PHACTR3: variants seen among roughly 807,000 people sequenced by gnomAD.
PHACTR3 encodes phosphatase and actin regulator 3.
A neutral mutation model predicts 66.8 loss-of-function variants in PHACTR3; 16 were observed. That is an observed-to-expected ratio of 0.24 (90% CI 0.16 to 0.36). The LOEUF is 0.36. Among genes scored for constraint, PHACTR3 ranks in the 10% least tolerant of loss-of-function variants. PHACTR3 has a pLI of 1.00. For synonymous variants in PHACTR3, 323 were observed against 292.1 expected (o/e 1.11, Z -1.08); for missense variants, 647 against 719.9 (o/e 0.90, Z 1.16).
chr20:59,753,467 CT>C (rs1230186344), intron 3 of PHACTR3, among the ~76,000 whole-genome samples: 1 of 152,182 alleles, frequency 6.6e-6, no homozygotes, highest in Admixed American at 6.5e-5. Context: ...GGTGAGGACT[CT>C]GGAGGGAGAA....
At chr20:59,628,285 A>G (rs1249252473) in intron 1 of PHACTR3, 1 of 152,194 alleles carries the variant, frequency 6.6e-6, no homozygotes, top group Admixed American at 6.5e-5. Flanking sequence ...GTGCTGGGGA[A>G]GAATGGGCCC....
chr20:59,671,116 T>C (rs1239277520), intron 1 of PHACTR3, among the ~76,000 whole-genome samples: 2 of 152,184 alleles, frequency 1.3e-5, no homozygotes, highest in African/African-American at 4.8e-5. Context: ...TCTGAGCTTT[T>C]TTTTCTTCAT....
intron 7 of PHACTR3, among the ~76,000 whole-genome samples, chr20:59,792,618 T>C (rs192359046): frequency 6.6e-6 from 1 of 152,338 alleles, no homozygotes; most frequent in East Asian, 1.9e-4. Flanking sequence ...CTAGTGGGTG[T>C]GTTGTGGTGT....
intron 1 of PHACTR3, among the ~76,000 whole-genome samples, chr20:59,703,585 A>G (rs1032054397): frequency 3.9e-5 from 6 of 152,230 alleles, no homozygotes; most frequent in Non-Finnish European, 4.4e-5. Context: ...AGTTATGAAA[A>G]TAAGACATGT....
chr20:59,763,280 C>T (rs1484848220), intron 4 of PHACTR3, among the ~76,000 whole-genome samples: 1 of 152,200 alleles, frequency 6.6e-6, no homozygotes, highest in Non-Finnish European at 1.5e-5. Flanking sequence ...TTGTAAGTTT[C>T]CTGAGGCCTC....
At chr20:59,627,414 G>A (rs974361793) in intron 1 of PHACTR3, among the ~76,000 whole-genome samples, 3 of 152,232 alleles carry the variant, frequency 2.0e-5, no homozygotes, top group Non-Finnish European at 4.4e-5. Flanking sequence ...AGATGGCTGG[G>A]ATGAGACAGA....
chr20:59,707,714 C>T (rs918305914), intron 1 of PHACTR3, among the ~76,000 whole-genome samples: 1 of 152,104 alleles, frequency 6.6e-6, no homozygotes, highest in African/African-American at 2.4e-5. Context: ...GATCCTCCCA[C>T]CTCAGCCTCC....
intron 1 of PHACTR3, among the ~76,000 whole-genome samples, chr20:59,680,676 C>T (rs114117956): frequency 0.015 from 2,237 of 151,564 alleles, 55 homozygotes; most frequent in African/African-American, 0.05. Flanking sequence ...TTTTTTTTAG[C>T]TCATCAACTA....
At chr20:59,731,157 T>A (rs1245863043) in intron 1 of PHACTR3, among the ~76,000 whole-genome samples, 1 of 152,158 alleles carries the variant, frequency 6.6e-6, no homozygotes, top group Non-Finnish European at 1.5e-5. Flanking sequence ...TTTGAAGATG[T>A]TGTGTGATAT....
chr20:59,750,454 G>T (rs566573548), intron 3 of PHACTR3, among the ~76,000 whole-genome samples: 2 of 152,272 alleles, frequency 1.3e-5, no homozygotes, highest in African/African-American at 2.4e-5. Context: ...GAGACAGAAG[G>T]AAGCGGGGAG....
chr20:59,649,429 A>G (rs1425742422), intron 1 of PHACTR3, among the ~76,000 whole-genome samples: 1 of 152,178 alleles, frequency 6.6e-6, no homozygotes, highest in Non-Finnish European at 1.5e-5. Context: ...TAGCAGCAAC[A>G]TGTTTTCTTT....
At chr20:59,600,700 C>CTG (rs1808168703), upstream of PHACTR3, among the ~76,000 whole-genome samples, 3 of 152,232 alleles carry the variant, frequency 2.0e-5, no homozygotes, top group Admixed American at 2.0e-4. Flanking sequence ...TGGACTGACT[C>CTG]TGTCCCATCT....
chr20:59,806,323 C>G, intron 8 of PHACTR3, 129 bp downstream of exon 8: 1 of 1,220,548 alleles, frequency 8.2e-7, no homozygotes, highest in Non-Finnish European at 1.1e-6. Flanking sequence ...GGTCTCTTGA[C>G]CCCGCCACCG....
chr20:59,611,665 C>T (rs1294994530), intron 1 of PHACTR3, among the ~76,000 whole-genome samples: 1 of 152,196 alleles, frequency 6.6e-6, no homozygotes, highest in African/African-American at 2.4e-5. Context: ...CTTTCCCACT[C>T]TCACCTTTTG....
chr20:59,641,110 A>G (rs1487328260), intron 1 of PHACTR3, among the ~76,000 whole-genome samples: 1 of 152,142 alleles, frequency 6.6e-6, no homozygotes, highest in African/African-American at 2.4e-5. Context: ...ATAGAGATTT[A>G]TCTATTGCCT....
In PHACTR3 at chr20:59,820,524, A is replaced by G. The variant is rs2042004531; in HGVS notation, c.1328+14330A>G. Among the ~76,000 whole-genome samples, 1 of 152,216 alleles carries G rather than the reference A, an allele frequency of 6.6e-6. No individual in the cohort carries two copies. The highest frequency in any genetic ancestry group is 2.4e-5 in the African/African-American group (1 of 41,454). On this transcript the variant is annotated intron_variant, in intron 8 of 12. Transcript: ENST00000371015. This position sits in a 1 kb window ranked among gnomAD's most constrained non-coding sequence, Gnocchi z 4.6. ...CCAGAGGATATAAATATGACGCTTC[A>G]TCGTCTTGGGTGGAAGTCCCCGTGT...
intron 1 of PHACTR3, among the ~76,000 whole-genome samples, chr20:59,640,202 G>T (rs1315620774): frequency 6.6e-6 from 1 of 152,256 alleles, no homozygotes; most frequent in Non-Finnish European, 1.5e-5. Context: ...GTAGGATCAA[G>T]TACAGTCAGT....
intron 9 of PHACTR3, among the ~76,000 whole-genome samples, chr20:59,840,028 G>A (rs372021456): frequency 6.6e-6 from 1 of 152,192 alleles, no homozygotes; most frequent in African/African-American, 2.4e-5. Flanking sequence ...AGTGCTAGAT[G>A]TAAATATAAA....
chr20:59,770,678 T>C (rs1452588339), intron 5 of PHACTR3, among the ~76,000 whole-genome samples: 1 of 152,250 alleles, frequency 6.6e-6, no homozygotes. Flanking sequence ...GATCACCCTC[T>C]GAGTCACTAC....
Sources: gnomAD v4.1 joint callset for allele counts (sites outside exome capture counted in the v4.1 genomes callset) on GRCh38, gnomAD v4.1.1 for gene constraint, Gnocchi (gnomAD v3.1) non-coding constraint, MANE v1.5 for transcripts, NCBI Gene and HGNC (gene_info 2026-07-23, HGNC 2026-07-21) for gene names.